Variants in USH1C observed in about 807,000 individuals in gnomAD.
USH1C encodes the protein USH1 protein network component harmonin.
USH1C carries 90 observed loss-of-function variants against 119.3 expected under a neutral mutation model. The observed-to-expected ratio is 0.75, with a 90% CI of 0.64 to 0.90. The LOEUF (loss-of-function observed/expected upper bound fraction) is 0.90. USH1C is among the 40% of genes least tolerant of loss of function. The pLI is 0.00. For missense variants in USH1C, 1,165 were observed against 1,167.7 expected, an observed-to-expected ratio of 1.00 and a Z score of 0.03; for synonymous variants, 465 against 443.3, an observed-to-expected ratio of 1.05 and a Z score of -0.62.
chr11:17,516,688 C>A (rs1850160398), intron 14 of USH1C: 10 of 316,846 alleles, frequency 3.2e-5, no homozygotes, highest in South Asian at 2.5e-4. Context: ...CTGGTCCCTC[C>A]ATACAAAAAA....
chr11:17,519,849 C>T (rs1850335533), intron 14 of USH1C, among the ~76,000 whole-genome samples: 1 of 152,170 alleles, frequency 6.6e-6, no homozygotes, highest in Non-Finnish European at 1.5e-5. Flanking sequence ...GTGCAAGTGG[C>T]CTATGTTGGC....
intron 17 of USH1C, among the ~76,000 whole-genome samples, 188 bp downstream of exon 17, chr11:17,510,217 T>A (rs942557095): frequency 2.0e-5 from 3 of 152,148 alleles, no homozygotes; most frequent in Admixed American, 2.0e-4. Flanking sequence ...TCTGGGAGTA[T>A]ACCCAGAAAT....
rs550929564 is a variant in USH1C, at chr11:17,514,215, A to ATAT, written c.1260+2023_1260+2025dup. Among the ~76,000 whole-genome samples, 797 of 152,206 alleles carry ATAT rather than the reference A, an allele frequency of 5.2e-3. 12 individuals are homozygous for ATAT. Among genetic ancestry groups the ATAT allele is most frequent in the African/African-American group, 0.018 (767 of 41,516 alleles). ...TGGAAATAGAAGACACTGAATCTTT[A>ATAT]TATTATTATTATTATTTTCTTGAGA... On this transcript the variant is annotated intron_variant, in intron 15 of 26. Transcript: ENST00000005226.
chr11:17,506,237 C>T (rs1232970671), intron 18 of USH1C, among the ~76,000 whole-genome samples: 1 of 152,198 alleles, frequency 6.6e-6, no homozygotes, highest in Admixed American at 6.5e-5. Flanking sequence ...CCAGGAGACA[C>T]ACTTTCAGAC....
At chr11:17,501,895 T>C in intron 21 of USH1C, 44 bp downstream of exon 21, 1 of 1,604,530 alleles carries the variant, frequency 6.2e-7, no homozygotes, top group Non-Finnish European at 8.5e-7. Flanking sequence ...CACACTGCCC[T>C]GTTCCTGGGG....
At chr11:17,541,551 C>A (rs1028790774) in intron 1 of USH1C, among the ~76,000 whole-genome samples, 1 of 152,310 alleles carries the variant, frequency 6.6e-6, no homozygotes, top group African/African-American at 2.4e-5. Flanking sequence ...CAATGAGTAA[C>A]CAAGTTCCTA....
chr11:17,523,446 G>A lies in USH1C; in HGVS notation c.792C>T (p.Val264=), dbSNP rs750856849. The A allele has an allele frequency of 8.7e-6, 14 of 1,614,062 alleles. No individual in the cohort carries two copies. Among genetic ancestry groups the A allele is most frequent in the South Asian group, 5.5e-5 (5 of 91,086 alleles). The change falls in exon 10 of 27, where the codon GTC becomes GTT. Residue 264 remains valine, a synonymous_variant. Coordinates refer to ENST00000005226, the MANE Select transcript of USH1C (RefSeq NM_153676.4). ...CCTTGTGATCCAGGTTAGAGAAGTC[G>A]ACGCCATTGACTTCGACAATCTGGT... The part of the protein sequence containing the change: ...IGDQIVEVNG[V]DFSNLDHKEA...
At position 17,518,892 on chromosome 11, in the gene USH1C, G is replaced by A. The variant is rs2133859534; in HGVS notation, c.1210+1978C>T. 2.6e-5 allele frequency among the ~76,000 whole-genome samples: 4 copies of A among 152,258 alleles called. 1 individual carries two copies. Among genetic ancestry groups the A allele is most frequent in the African/African-American group, 9.6e-5 (4 of 41,542 alleles). ...AAATTAGCTGGGCTTGGTGGCGCAT[G>A]CCTGTAGTCCCAGCTACTCGGGAGG... On this transcript the variant is annotated intron_variant, in intron 14 of 26. Transcript: ENST00000005226.
At chr11:17,524,581 T>C (rs1229067608) in intron 8 of USH1C, 46 bp from the exon 9 acceptor site, 3 of 1,548,460 alleles carry the variant, frequency 1.9e-6, no homozygotes, top group Non-Finnish European at 2.6e-6. Context: ...GTAACCCATG[T>C]CCAGTGCTCA....
intron 14 of USH1C, among the ~76,000 whole-genome samples, chr11:17,520,199 A>G (rs1207354170): frequency 6.6e-6 from 1 of 152,192 alleles, no homozygotes; most frequent in African/African-American, 2.4e-5. Context: ...GAAGGTGGTC[A>G]GGGAGCAGGT....
intron 1 of USH1C, among the ~76,000 whole-genome samples, chr11:17,541,352 A>G (rs1565075526): frequency 6.6e-6 from 1 of 152,186 alleles, no homozygotes; most frequent in Non-Finnish European, 1.5e-5. Flanking sequence ...ACTGCCTGGC[A>G]TATATTAAGG....
At chr11:17,521,516 C>T (rs1358456432) in intron 12 of USH1C, 105 bp from the exon 13 acceptor site, 2 of 1,226,058 alleles carry the variant, frequency 1.6e-6, no homozygotes, top group Non-Finnish European at 2.4e-6. Flanking sequence ...TTTCTCCAGG[C>T]TCCCTTCCTA....
At chr11:17,541,895 C>T (rs1428657144) in intron 1 of USH1C, among the ~76,000 whole-genome samples, 2 of 152,192 alleles carry the variant, frequency 1.3e-5, no homozygotes, top group African/African-American at 4.8e-5. Context: ...CATCTCATAG[C>T]TGAAGAAACT....
chr11:17,505,943 A>G lies in USH1C; in HGVS notation c.2020T>C (p.Cys674Arg). 1 of 1,614,190 alleles carries G rather than the reference A, an allele frequency of 6.2e-7. No homozygotes were observed. The highest frequency in any genetic ancestry group is 1.7e-5 in the Admixed American group (1 of 60,030). The change falls in exon 19 of 27, where the codon TGC (cysteine) becomes CGC (arginine). Residue 674 changes from cysteine (C) to arginine (R), a missense_variant. Physicochemically the swap from Cys to Arg is radical, Grantham distance 180. Coordinates refer to ENST00000005226, the MANE Select transcript of USH1C (RefSeq NM_153676.4). The stretch of plus-strand genomic sequence containing the variant: ...CCTCGTGGAGGCTGTGGGCTTGGGC[A>G]AAATGTCTAAGGAGTTAGTTTAACA... Reference protein sequence around the residue: ...QSFPPTPKTFCPSPQPPRGPG... With the variant: ...QSFPPTPKTFRPSPQPPRGPG...
At chr11:17,510,338 G>T (rs183772811) in intron 17 of USH1C, 67 bp downstream of exon 17, 1 of 1,343,276 alleles carries the variant, frequency 7.4e-7, no homozygotes, top group Non-Finnish European at 1.1e-6. Context: ...CTCACCTCCC[G>T]CTGTCCCCAC....
chr11:17,543,810 T>C (rs1016585194), intron 1 of USH1C, among the ~76,000 whole-genome samples: 2 of 152,202 alleles, frequency 1.3e-5, no homozygotes, highest in African/African-American at 4.8e-5. Flanking sequence ...TTCTAACTCA[T>C]GTTCTGAGGT....
chr11:17,520,870 A>T lies in USH1C; in HGVS notation c.1210T>A (p.Ser404Thr), dbSNP rs1850378676. The change falls in exon 14 of 27, where the codon TCT (serine) becomes ACT (threonine). Residue 404 changes from serine (S) to threonine (T), a missense_variant and splice_region_variant. By Grantham distance (58) the Ser-to-Thr change is moderately conservative. Transcript: ENST00000005226. Reference sequence around the variant, plus strand: ...TCTCCCCTCGGCTCATGAAACTTACACTTTGGCTTGCGAAGGGGTACTGGG... The same window carrying T: ...TCTCCCCTCGGCTCATGAAACTTACTCTTTGGCTTGCGAAGGGGTACTGGG... ...VHPVPLRKPKSFGWFYRYDGK... is the reference protein window; with the variant it reads ...VHPVPLRKPKTFGWFYRYDGK... The T allele has an allele frequency of 6.2e-7, 1 of 1,614,058 alleles. No homozygotes were observed. Among genetic ancestry groups the T allele is most frequent in the Non-Finnish European group, 8.5e-7 (1 of 1,180,006 alleles).
chr11:17,521,325 G>T (rs2240488), intron 13 of USH1C, 21 bp downstream of exon 13: 4 of 1,613,168 alleles, frequency 2.5e-6, no homozygotes, highest in Non-Finnish European at 3.4e-6. Flanking sequence ...GCACAGACAC[G>T]CGTGGAGCCG....
At chr11:17,533,344 TCA>T (rs771757123) in intron 1 of USH1C, 22 bp from the exon 2 acceptor site, 1 of 1,579,920 alleles carries the variant, frequency 6.3e-7, no homozygotes, top group Non-Finnish European at 8.7e-7. Context: ...AATAGCAGAA[TCA>T]CAGCTCCAGG....
Sources: allele counts gnomAD v4.1 joint callset (sites outside exome capture counted in the v4.1 genomes callset), GRCh38; gene constraint gnomAD v4.1.1; transcripts MANE v1.5; gene names NCBI Gene and HGNC (gene_info 2026-07-23, HGNC 2026-07-21).